The following GNG12 variants were observed in gnomAD, a reference collection of about 807,000 sequenced individuals.
GNG12 encodes the protein G protein subunit gamma 12.
For missense variants in GNG12, 69 were observed against 83.8 expected, an observed-to-expected ratio of 0.82 and a Z score of 0.69; for synonymous variants, 28 against 29.7, an observed-to-expected ratio of 0.94 and a Z score of 0.19.
intron 2 of GNG12, among the ~76,000 whole-genome samples, chr1:67,760,682 C>T (rs1646598101): frequency 6.6e-6 from 1 of 152,152 alleles, no homozygotes; most frequent in African/African-American, 2.4e-5. Context: ...CAGACTTGGC[C>T]TAAATTTGAT....
chr1:67,734,694 G>A (rs1437017505), intron 2 of GNG12, among the ~76,000 whole-genome samples: 5 of 152,146 alleles, frequency 3.3e-5, no homozygotes, highest in South Asian at 2.1e-4. Flanking sequence ...TTGCAGGATC[G>A]TAGCTTACTG....
At chr1:67,797,013 A>G (rs1646835037) in intron 1 of GNG12, among the ~76,000 whole-genome samples, 1 of 152,176 alleles carries the variant, frequency 6.6e-6, no homozygotes, top group Non-Finnish European at 1.5e-5. Flanking sequence ...GAACTCACTC[A>G]TTACCATGCG....
At chr1:67,817,391 T>C (rs1646958831) in intron 1 of GNG12, among the ~76,000 whole-genome samples, 1 of 152,200 alleles carries the variant, frequency 6.6e-6, no homozygotes, top group Non-Finnish European at 1.5e-5. Context: ...AAGCAATACC[T>C]ACCTACCTGG....
chr1:67,757,800 C>T (rs1364284041), intron 2 of GNG12, among the ~76,000 whole-genome samples: 1 of 152,174 alleles, frequency 6.6e-6, no homozygotes, highest in Admixed American at 6.5e-5. Flanking sequence ...TTTGAGAAGG[C>T]TGAACTAGGG....
intron 2 of GNG12, among the ~76,000 whole-genome samples, chr1:67,752,323 G>T (rs1412043055): frequency 6.6e-6 from 1 of 152,210 alleles, no homozygotes. Flanking sequence ...CAGCTGTCCA[G>T]AAGTAGCAAG....
At chr1:67,737,223 C>T (rs1431541967) in intron 2 of GNG12, among the ~76,000 whole-genome samples, 1 of 152,164 alleles carries the variant, frequency 6.6e-6, no homozygotes, top group African/African-American at 2.4e-5. Context: ...TTTTGCATTG[C>T]CAAATGGCCT....
At chr1:67,768,685 CTG>C (rs1203901670) in intron 2 of GNG12, among the ~76,000 whole-genome samples, 1 of 152,188 alleles carries the variant, frequency 6.6e-6, no homozygotes, top group African/African-American at 2.4e-5. Context: ...GATGAGGAAA[CTG>C]AGACTCAGAA....
Position 67,703,014 on chromosome 1 carries a change from TA to T in GNG12, c.*2436del, listed in dbSNP as rs928821871. On this transcript the variant is annotated 3_prime_UTR_variant, in exon 4 of 4. Coordinates refer to ENST00000370982, the MANE Select transcript of GNG12 (RefSeq NM_018841.6). ...GCTTTGTAAGGAGAATAAAGCCTGATAAAAAAAGTGACTTCTGCATATCATA... is the reference window on the plus strand; with the variant it reads ...GCTTTGTAAGGAGAATAAAGCCTGATAAAAAAGTGACTTCTGCATATCATA... The T allele has an allele frequency of 2.0e-5, 3 of 152,152 alleles. No homozygotes were observed. The highest frequency in any genetic ancestry group is 2.9e-5 in the Non-Finnish European group (2 of 67,996). 9.4% of individuals were successfully genotyped at this position (152,152 alleles called of 1,614,324 possible). A position where few individuals can be genotyped will look rare whatever the true frequency, so the allele number is the denominator to read the frequency against.
At chr1:67,831,903 C>G (rs950651151) in intron 1 of GNG12, among the ~76,000 whole-genome samples, 3 of 152,160 alleles carry the variant, frequency 2.0e-5, no homozygotes, top group Admixed American at 2.0e-4. Flanking sequence ...AGGTGAGGGC[C>G]GCCATCCTGC....
At chr1:67,793,643 T>TGGCTTTCTTCC (rs1646814198) in intron 1 of GNG12, among the ~76,000 whole-genome samples, 1 of 152,200 alleles carries the variant, frequency 6.6e-6, no homozygotes, top group Admixed American at 6.5e-5. Flanking sequence ...GCTGTGCAAG[T>TGGCTTTCTTCC]GGCTTTCTTC....
chr1:67,776,165 T>C (rs1461892421), intron 2 of GNG12, among the ~76,000 whole-genome samples: 1 of 152,102 alleles, frequency 6.6e-6, no homozygotes, highest in Non-Finnish European at 1.5e-5. Flanking sequence ...GCCTAGGAAC[T>C]TGTTGAACTG....
rs866829287 is a variant in GNG12 at position 67,786,935 on chromosome 1, A to G, written c.-76-9428T>C. Among the ~76,000 whole-genome samples the G allele has an allele frequency of 5.0e-3, 662 of 133,272 alleles. 7 individuals are homozygous for G. The highest frequency in any genetic ancestry group is 0.019 in the Middle Eastern group (5 of 268). 87.4% of individuals were successfully genotyped at this position (133,272 alleles called of 152,430 possible). The stretch of plus-strand genomic sequence containing the variant: ...CTAGGTAACAGAGACTTATATATAT[A>G]TGTGTGTGTGTGTGTGTGTGTGTGT... On this transcript the variant is annotated intron_variant, in intron 1 of 3. Transcript: ENST00000370982.
At chr1:67,780,599 G>A (rs893822443) in intron 1 of GNG12, among the ~76,000 whole-genome samples, 1 of 152,184 alleles carries the variant, frequency 6.6e-6, no homozygotes. Flanking sequence ...AAGGATAGGA[G>A]CCAAGGCTAT....
chr1:67,713,114 C>T (rs1366712282), intron 2 of GNG12, among the ~76,000 whole-genome samples: 2 of 152,060 alleles, frequency 1.3e-5, no homozygotes, highest in Non-Finnish European at 2.9e-5. Flanking sequence ...TGTGTAACAC[C>T]TCCCTTCTCA....
At chr1:67,711,248 A>G (rs1182753363) in intron 2 of GNG12, among the ~76,000 whole-genome samples, 1 of 152,216 alleles carries the variant, frequency 6.6e-6, no homozygotes, top group African/African-American at 2.4e-5. Flanking sequence ...GGAATGAAAA[A>G]TGACTTCCCT....
chr1:67,733,067 T>G (rs1646430213), intron 2 of GNG12, among the ~76,000 whole-genome samples: 1 of 152,204 alleles, frequency 6.6e-6, no homozygotes, highest in Non-Finnish European at 1.5e-5. Context: ...AGCCACACAC[T>G]GCACAGCCCA....
intron 2 of GNG12, among the ~76,000 whole-genome samples, chr1:67,714,307 G>A (rs1242102022): frequency 6.6e-6 from 1 of 152,152 alleles, no homozygotes. Context: ...ACTATGCCTT[G>A]GATATTTAGT....
intron 2 of GNG12, among the ~76,000 whole-genome samples, chr1:67,717,930 T>C (rs1300063457): frequency 6.6e-6 from 1 of 152,232 alleles, no homozygotes; most frequent in African/African-American, 2.4e-5. Flanking sequence ...ATTCGCTCAT[T>C]TGTAAAATGG....
chr1:67,801,976 G>A (rs1401633603), intron 1 of GNG12, among the ~76,000 whole-genome samples: 1 of 152,016 alleles, frequency 6.6e-6, no homozygotes, highest in African/African-American at 2.4e-5. Context: ...AGAAAAAGGA[G>A]GGAGGTACAG....
Sources: gnomAD v4.1 joint callset for allele counts (sites outside exome capture counted in the v4.1 genomes callset) on GRCh38, gnomAD v4.1.1 for gene constraint, MANE v1.5 for transcripts, NCBI Gene and HGNC (gene_info 2026-07-23, HGNC 2026-07-21) for gene names.